MAF: variants seen among roughly 807,000 people sequenced by gnomAD.
MAF encodes the protein MAF bZIP transcription factor.
A neutral mutation model predicts 22.0 loss-of-function variants in MAF; 10 were observed. The ratio of observed to expected loss-of-function variants is 0.45; its 90% CI spans 0.28 to 0.77. MAF has a LOEUF of 0.77. Among genes scored for constraint, MAF ranks in the 30% least tolerant of loss-of-function variants. The probability of loss-of-function intolerance (pLI) is 0.12; values close to 1 mark genes in which losing one functional copy is unlikely to be tolerated. For synonymous variants in MAF, 337 were observed against 255.8 expected, an observed-to-expected ratio of 1.32 and a Z score of -3.03; for missense variants, 544 against 548.4, an observed-to-expected ratio of 0.99 and a Z score of 0.08.
chr16:79,294,186 T>G, the MAF span, among the ~76,000 whole-genome samples: 28 of 152,284 alleles, frequency 1.8e-4, 1 homozygote, highest in Middle Eastern at 6.8e-3. Flanking sequence ...TCAGGGTCAT[T>G]CTTTGAATAT....
the MAF span, among the ~76,000 whole-genome samples, chr16:79,414,725 G>C: frequency 6.6e-6 from 1 of 152,202 alleles, no homozygotes; most frequent in Non-Finnish European, 1.5e-5. Context: ...ATGCAGCTGG[G>C]AGCCAAGATC....
the MAF span, among the ~76,000 whole-genome samples, chr16:79,210,400 C>T: frequency 0.39 from 58,801 of 152,086 alleles, 14,071 homozygotes; most frequent in Non-Finnish European, 0.55. Flanking sequence ...GAAACTCCTC[C>T]AGTAAGCACC....
the MAF span, among the ~76,000 whole-genome samples, chr16:79,573,150 A>G: frequency 6.6e-6 from 1 of 152,140 alleles, no homozygotes; most frequent in African/African-American, 2.4e-5. Flanking sequence ...TCCAGGAGCT[A>G]TTTATATTAA....
the MAF span, among the ~76,000 whole-genome samples, chr16:79,240,471 C>T: frequency 3.3e-5 from 4 of 121,096 alleles, no homozygotes; most frequent in Admixed American, 1.0e-4. Flanking sequence ...CCTCCATTTG[C>T]CAACAAGCAT....
chr16:79,587,152 C>G (rs1041676372), intron 1 of MAF, among the ~76,000 whole-genome samples: 2 of 152,162 alleles, frequency 1.3e-5, no homozygotes, highest in Non-Finnish European at 2.9e-5. Flanking sequence ...CATTTCTTAC[C>G]CTTGTATCTG....
chr16:79,369,630 A>G, the MAF span, among the ~76,000 whole-genome samples: 1 of 152,204 alleles, frequency 6.6e-6, no homozygotes, highest in African/African-American at 2.4e-5. Flanking sequence ...GTGTCGATGG[A>G]AGCAACTTTG....
the MAF span, among the ~76,000 whole-genome samples, chr16:79,341,368 G>T: frequency 6.6e-6 from 1 of 152,140 alleles, no homozygotes; most frequent in Non-Finnish European, 1.5e-5. Flanking sequence ...CCCCAGCTTG[G>T]TACGGAAGCT....
At chr16:79,406,457 G>A in the MAF span, among the ~76,000 whole-genome samples, 1 of 152,146 alleles carries the variant, frequency 6.6e-6, no homozygotes, top group East Asian at 1.9e-4. Flanking sequence ...TGGTGACACT[G>A]AATTTAGGCT....
At chr16:79,590,209 G>C (rs1219122358), downstream of MAF, among the ~76,000 whole-genome samples, 2 of 152,066 alleles carry the variant, frequency 1.3e-5, no homozygotes, top group Non-Finnish European at 2.9e-5. Context: ...GGTTGGCGGA[G>C]GGGGGGATGA....
chr16:79,416,945 T>C, the MAF span, among the ~76,000 whole-genome samples: 20 of 152,218 alleles, frequency 1.3e-4, no homozygotes, highest in African/African-American at 4.6e-4. Flanking sequence ...CAATCATAAT[T>C]ATTCTTATTT....
chr16:79,434,289 C>T, the MAF span, among the ~76,000 whole-genome samples: 1 of 152,210 alleles, frequency 6.6e-6, no homozygotes, highest in Non-Finnish European at 1.5e-5. Context: ...CTCACACATA[C>T]ACACACACGG....
At chr16:79,595,847 G>C (rs1357828145) in intron 1 of MAF, 1 of 1,058,368 alleles carries the variant, frequency 9.4e-7, no homozygotes, top group East Asian at 5.2e-5. Context: ...GTTTAAACCA[G>C]ATATGTACTT....
the MAF span, among the ~76,000 whole-genome samples, chr16:79,373,021 C>T: frequency 0.042 from 6,380 of 152,144 alleles, 264 homozygotes; most frequent in East Asian, 0.19. Flanking sequence ...AAAATATATG[C>T]GGGACCATGG....
the MAF span, among the ~76,000 whole-genome samples, chr16:79,336,058 G>A: frequency 4.6e-5 from 7 of 152,156 alleles, no homozygotes; most frequent in Admixed American, 4.6e-4. Flanking sequence ...TAGGGCTATG[G>A]AGTGAGGGAA....
chr16:79,587,354 A>G lies in MAF; in HGVS notation c.1119-1413T>C, dbSNP rs1597833969. ...CTGAAGTGATAAAACCTGGAAGTGT[A>G]TCAGTATCAGTTGTTCTCCATTTGA... is the stretch of plus-strand genomic sequence containing the variant. On this transcript the variant is annotated intron_variant, in intron 1 of 1. Coordinates refer to the MAF transcript ENST00000569649. Among the ~76,000 whole-genome samples, 8 of 152,298 alleles carry G rather than the reference A, an allele frequency of 5.3e-5. No homozygotes were observed. The South Asian group carries it at 1.7e-3, about 32-fold the overall frequency.
chr16:79,237,790 C>T, the MAF span, among the ~76,000 whole-genome samples: 73 of 152,204 alleles, frequency 4.8e-4, no homozygotes, highest in African/African-American at 1.6e-3. Context: ...TGGCTAGCAG[C>T]GACACTGCAC....
the MAF span, among the ~76,000 whole-genome samples, chr16:79,235,812 T>C: frequency 1.1e-4 from 17 of 152,178 alleles, no homozygotes; most frequent in East Asian, 1.7e-3. Context: ...CTAGCATTAG[T>C]AGCAGTAATG....
chr16:79,325,630 G>C, the MAF span, among the ~76,000 whole-genome samples: 2 of 142,224 alleles, frequency 1.4e-5, no homozygotes, highest in Non-Finnish European at 3.0e-5. Context: ...CACACACACA[G>C]AACACACACA....
chr16:79,553,020 G>T, the MAF span, among the ~76,000 whole-genome samples: 1 of 152,110 alleles, frequency 6.6e-6, no homozygotes, highest in Non-Finnish European at 1.5e-5. Context: ...GGCAAATTGG[G>T]GTCTAAATTT....
Sources: gnomAD v4.1 joint callset for allele counts (sites outside exome capture counted in the v4.1 genomes callset) on GRCh38, gnomAD v4.1.1 for gene constraint, MANE v1.5 for transcripts, NCBI Gene and HGNC (gene_info 2026-07-23, HGNC 2026-07-21) for gene names.